The following ATRNL1 variants were observed in gnomAD, a reference collection of about 807,000 sequenced individuals.
ATRNL1 encodes attractin like 1, also known as attractin-like protein 1.
Under a neutral mutation model 182.7 loss-of-function variants are expected in ATRNL1, and 95 were observed. The ratio of observed to expected loss-of-function variants is 0.52; its 90% CI spans 0.44 to 0.62. The LOEUF is 0.62. ATRNL1 is among the 20% of genes least tolerant of loss of function. ATRNL1 has a pLI of 0.00. For synonymous variants in ATRNL1, 576 were observed against 568.3 expected (o/e 1.01, Z -0.19); for missense variants, 1,471 against 1,679.5 (o/e 0.88, Z 2.17).
chr10:115,700,162 C>A (rs1399100568), intron 26 of ATRNL1, among the ~76,000 whole-genome samples: 1 of 151,936 alleles, frequency 6.6e-6, no homozygotes, highest in East Asian at 1.9e-4. Context: ...AATGTGTGTG[C>A]CTTTTTTGGT....
intron 14 of ATRNL1, among the ~76,000 whole-genome samples, chr10:115,285,284 A>C (rs954028236): frequency 1.1e-4 from 16 of 152,286 alleles, no homozygotes; most frequent in Middle Eastern, 3.4e-3. Context: ...TATAGCATGC[A>C]TAAAGAGAAG....
At chr10:115,546,580 AG>A (rs1852672647) in intron 25 of ATRNL1, among the ~76,000 whole-genome samples, 1 of 151,606 alleles carries the variant, frequency 6.6e-6, no homozygotes, top group Non-Finnish European at 1.5e-5. Flanking sequence ...AAAAAAAAAA[AG>A]TTACACTATT....
At chr10:115,552,514 T>A (rs1853050466) in intron 26 of ATRNL1, among the ~76,000 whole-genome samples, 1 of 151,412 alleles carries the variant, frequency 6.6e-6, no homozygotes, top group Non-Finnish European at 1.5e-5. Flanking sequence ...CTAGTTGCTT[T>A]TCTAAATGTA....
intron 24 of ATRNL1, among the ~76,000 whole-genome samples, chr10:115,509,839 A>G (rs1850299755): frequency 1.3e-5 from 2 of 152,020 alleles, no homozygotes; most frequent in East Asian, 1.9e-4. Context: ...ATAGGTGATG[A>G]TTCCTCTGAT....
chr10:115,885,579 T>C (rs1291344806), intron 28 of ATRNL1, among the ~76,000 whole-genome samples: 2 of 152,228 alleles, frequency 1.3e-5, no homozygotes, highest in Non-Finnish European at 2.9e-5. Context: ...GGAAAGTTTG[T>C]AAAATATTGA....
intron 26 of ATRNL1, among the ~76,000 whole-genome samples, chr10:115,693,937 G>C (rs1946472748): frequency 6.6e-6 from 1 of 151,894 alleles, no homozygotes; most frequent in South Asian, 2.1e-4. Flanking sequence ...TAGGCATAAG[G>C]GGCCAGAAGC....
chr10:115,538,331 A>G (rs1554991072), intron 25 of ATRNL1, among the ~76,000 whole-genome samples: 6 of 152,216 alleles, frequency 3.9e-5, no homozygotes. Flanking sequence ...TCAGGGTTCC[A>G]GTTGTTGCAC....
At chr10:115,806,557 A>G (rs1235332665) in intron 27 of ATRNL1, among the ~76,000 whole-genome samples, 1 of 152,186 alleles carries the variant, frequency 6.6e-6, no homozygotes, top group Non-Finnish European at 1.5e-5. Flanking sequence ...TTATAATTCT[A>G]TAAAGCTTCT....
At chr10:115,299,467 A>G (rs1554923762) in intron 15 of ATRNL1, among the ~76,000 whole-genome samples, 2 of 152,118 alleles carry the variant, frequency 1.3e-5, no homozygotes, top group African/African-American at 4.8e-5. Flanking sequence ...CAAAAATCAT[A>G]TAGAAGTCCA....
intron 10 of ATRNL1, among the ~76,000 whole-genome samples, 190 bp downstream of exon 10, chr10:115,241,915 G>T (rs1850439181): frequency 6.6e-6 from 1 of 152,062 alleles, no homozygotes; most frequent in African/African-American, 2.4e-5. Flanking sequence ...GAAGTACTGA[G>T]CAGAAGTAGT....
At chr10:115,820,904 T>C (rs1202705482) in intron 27 of ATRNL1, among the ~76,000 whole-genome samples, 1 of 152,126 alleles carries the variant, frequency 6.6e-6, no homozygotes, top group Non-Finnish European at 1.5e-5. Flanking sequence ...GGGCAGGACC[T>C]GGTGGGAGGT....
At chr10:115,502,400 G>A (rs1554980301) in intron 24 of ATRNL1, among the ~76,000 whole-genome samples, 1 of 151,980 alleles carries the variant, frequency 6.6e-6, no homozygotes, top group Non-Finnish European at 1.5e-5. Flanking sequence ...GATATAGCAG[G>A]TTATTGTAAA....
At chr10:115,148,770 C>G (rs1421471613) in intron 5 of ATRNL1, among the ~76,000 whole-genome samples, 2 of 69,334 alleles carry the variant, frequency 2.9e-5, no homozygotes, top group African/African-American at 4.6e-5. Context: ...TTTTTTCTTT[C>G]TAAGAATCTG....
chr10:115,833,249 C>CT (rs879981159), intron 27 of ATRNL1, among the ~76,000 whole-genome samples: 9 of 152,224 alleles, frequency 5.9e-5, no homozygotes, highest in Non-Finnish European at 1.0e-4. Context: ...GTAATTAGCA[C>CT]TATTATTATT....
At chr10:115,592,274 T>C (rs1855954866) in intron 26 of ATRNL1, among the ~76,000 whole-genome samples, 2 of 152,158 alleles carry the variant, frequency 1.3e-5, no homozygotes, top group African/African-American at 4.8e-5. Flanking sequence ...CATTGTGCAA[T>C]ATACCCATAT....
chr10:115,395,388 TA>T (rs1457427332), intron 20 of ATRNL1, among the ~76,000 whole-genome samples: 1 of 151,916 alleles, frequency 6.6e-6, no homozygotes, highest in Non-Finnish European at 1.5e-5. Context: ...GAATTCTCTT[TA>T]AAAATTAAAC....
At chr10:115,288,823 G>C (rs981737993) in intron 15 of ATRNL1, among the ~76,000 whole-genome samples, 5 of 151,964 alleles carry the variant, frequency 3.3e-5, no homozygotes, top group Non-Finnish European at 7.4e-5. Flanking sequence ...TGTCCGGCCT[G>C]TATGTCTTCT....
chr10:115,561,690 G>GTGTGTGTGT (rs1853734733), intron 26 of ATRNL1, among the ~76,000 whole-genome samples: 142 of 50,472 alleles, frequency 2.8e-3, no homozygotes, highest in Admixed American at 6.7e-3. Flanking sequence ...TGTGTGTGTG[G>GTGTGTGTGT]GTGTGTGTGT....
At chr10:115,322,036 C>T (rs1554931687) in intron 18 of ATRNL1, among the ~76,000 whole-genome samples, 1 of 151,856 alleles carries the variant, frequency 6.6e-6, no homozygotes, top group Non-Finnish European at 1.5e-5. Context: ...AATTAAAATA[C>T]TTAGGAATAA....
Sources: allele counts gnomAD v4.1 joint callset (sites outside exome capture counted in the v4.1 genomes callset), GRCh38; gene constraint gnomAD v4.1.1; transcripts MANE v1.5; gene names NCBI Gene and HGNC (gene_info 2026-07-23, HGNC 2026-07-21).